Variants in GAS2 observed in about 807,000 individuals in gnomAD.
GAS2 encodes growth arrest-specific protein 2.
A neutral mutation model predicts 37.5 loss-of-function variants in GAS2; 20 were observed. That is an observed-to-expected ratio of 0.53 (90% CI 0.37 to 0.77). The LOEUF (loss-of-function observed/expected upper bound fraction) is 0.77. Ranked by LOEUF, GAS2 falls within the 30% of genes least tolerant of loss-of-function variation. GAS2 has a pLI of 0.00. For missense variants in GAS2, 336 were observed against 373.4 expected (o/e 0.90, Z 0.82); for synonymous variants, 144 against 132.2 (o/e 1.09, Z -0.61).
chr11:22,793,437 G>C (rs1856273855), intron 7 of GAS2, among the ~76,000 whole-genome samples: 1 of 152,132 alleles, frequency 6.6e-6, no homozygotes, highest in African/African-American at 2.4e-5. Flanking sequence ...TTTGAAAGAA[G>C]TCAACTAGTA....
At chr11:22,664,423 AGAAT>A (rs1280407726), upstream of GAS2, among the ~76,000 whole-genome samples, 2 of 152,196 alleles carry the variant, frequency 1.3e-5, no homozygotes, top group South Asian at 4.1e-4. Context: ...TTGAAAGTTT[AGAAT>A]GTGGGACACA....
chr11:22,804,563 G>A (rs1420273336), intron 7 of GAS2, among the ~76,000 whole-genome samples: 2 of 152,132 alleles, frequency 1.3e-5, no homozygotes, highest in African/African-American at 4.8e-5. Context: ...AAGACACCAA[G>A]TGTGAATGTA....
At chr11:22,673,113 T>C (rs77524744) in intron 1 of GAS2, among the ~76,000 whole-genome samples, 2,604 of 152,216 alleles carry the variant, frequency 0.017, 74 homozygotes, top group African/African-American at 0.059. Flanking sequence ...AATTGTGCTT[T>C]TAAATACTAT....
chr11:22,652,185 A>C (rs1209523899), intron 1 of GAS2, among the ~76,000 whole-genome samples: 1 of 152,100 alleles, frequency 6.6e-6, no homozygotes, highest in Non-Finnish European at 1.5e-5. Flanking sequence ...CGGCCGTGTG[A>C]GGTGTCAGTG....
Position 22,686,604 on chromosome 11 carries a change from G to T in GAS2, c.267+815G>T, listed in dbSNP as rs113244771. On this transcript the variant is annotated intron_variant, in intron 3 of 7. Transcript: ENST00000454584. ...AAAAAAAAAAAAAAAAAAAAAAATAGCCTGGCATCATGACACATGTCTATA... is the reference window on the plus strand; with the variant it reads ...AAAAAAAAAAAAAAAAAAAAAAATATCCTGGCATCATGACACATGTCTATA... Among the ~76,000 whole-genome samples, 25 of 119,290 alleles carry T rather than the reference G, an allele frequency of 2.1e-4. 3 individuals carry two copies. The highest frequency in any genetic ancestry group is 8.1e-4 in the African/African-American group (25 of 30,990). 78.3% of individuals were successfully genotyped at this position (119,290 alleles called of 152,430 possible). A position where few individuals can be genotyped will look rare whatever the true frequency, so the allele number is the denominator to read the frequency against.
At chr11:22,687,890 G>A (rs572103702) in intron 3 of GAS2, among the ~76,000 whole-genome samples, 12 of 152,212 alleles carry the variant, frequency 7.9e-5, no homozygotes, top group African/African-American at 2.7e-4. Context: ...ATTGCTTATT[G>A]TTGAGGATGG....
intron 7 of GAS2, among the ~76,000 whole-genome samples, chr11:22,765,674 G>A (rs1854648866): frequency 6.6e-6 from 1 of 152,012 alleles, no homozygotes; most frequent in Non-Finnish European, 1.5e-5. Flanking sequence ...AGCTACTTGG[G>A]AGGCTGAGAC....
chr11:22,663,768 A>G (rs1028416018), upstream of GAS2, among the ~76,000 whole-genome samples: 1 of 152,186 alleles, frequency 6.6e-6, no homozygotes, highest in Non-Finnish European at 1.5e-5. Context: ...TTAAAATTTC[A>G]GAAACAGTCT....
chr11:22,745,967 G>A, intron 5 of GAS2, among the ~76,000 whole-genome samples: 1 of 152,058 alleles, frequency 6.6e-6, no homozygotes, highest in East Asian at 1.9e-4. Flanking sequence ...CCCAGTTTGA[G>A]ACGAGCTCCA....
intron 7 of GAS2, among the ~76,000 whole-genome samples, chr11:22,780,454 C>A (rs1855500099): frequency 6.6e-6 from 1 of 151,552 alleles, no homozygotes. Context: ...GAAATCGTGC[C>A]ACTGCACTCC....
chr11:22,648,060 T>A (rs2133826661), intron 1 of GAS2, among the ~76,000 whole-genome samples: 1 of 152,378 alleles, frequency 6.6e-6, no homozygotes, highest in South Asian at 2.1e-4. Flanking sequence ...GTTTTAGGTC[T>A]AACGTTTAAG....
intron 2 of GAS2, among the ~76,000 whole-genome samples, 197 bp from the exon 3 acceptor site, chr11:22,685,471 A>G (rs758312317): frequency 6.6e-5 from 10 of 152,180 alleles, no homozygotes; most frequent in Non-Finnish European, 1.5e-4. Context: ...TGTTATGAAA[A>G]TATTAAATGT....
At chr11:22,789,423 G>T (rs1856005413) in intron 7 of GAS2, among the ~76,000 whole-genome samples, 90 of 71,094 alleles carry the variant, frequency 1.3e-3, no homozygotes, top group African/African-American at 4.7e-3. Flanking sequence ...TATCTCATAT[G>T]AGATATATAT....
intron 1 of GAS2, among the ~76,000 whole-genome samples, chr11:22,630,213 A>G (rs1858725207): frequency 6.6e-6 from 1 of 151,914 alleles, no homozygotes; most frequent in Non-Finnish European, 1.5e-5. Flanking sequence ...CCACCCCACA[A>G]CAGGCCCTGG....
intron 3 of GAS2, among the ~76,000 whole-genome samples, chr11:22,707,479 C>CT (rs1201750511): frequency 6.6e-6 from 1 of 152,140 alleles, no homozygotes; most frequent in Non-Finnish European, 1.5e-5. Context: ...TGTTTATAGA[C>CT]TTGACTCTCA....
At chr11:22,744,776 C>T (rs557268432) in intron 5 of GAS2, among the ~76,000 whole-genome samples, 2 of 152,072 alleles carry the variant, frequency 1.3e-5, no homozygotes, top group Non-Finnish European at 2.9e-5. Flanking sequence ...TCTCTTCACT[C>T]CTATTCAACG....
At chr11:22,633,771 C>T (rs1858779717) in intron 1 of GAS2, among the ~76,000 whole-genome samples, 1 of 152,180 alleles carries the variant, frequency 6.6e-6, no homozygotes, top group Non-Finnish European at 1.5e-5. Context: ...ACTCCTGACC[C>T]AGTGTTCTAG....
rs545993854 is a variant in GAS2 at position 22,703,540 on chromosome 11, T to G, written c.267+17751T>G. 7.2e-5 allele frequency among the ~76,000 whole-genome samples: 11 copies of G among 152,296 alleles called. No individual in the cohort carries two copies. In the East Asian group the frequency reaches 1.9e-3, roughly 27 times the overall value. On this transcript the variant is annotated intron_variant, in intron 3 of 7. Transcript: ENST00000454584. ...ATTCATAGATTTTATATTAAGAACC[T>G]TTTCTAAAAGGCTGAAATTTGGGGG...
At chr11:22,638,727 T>C (rs190973912) in intron 1 of GAS2, among the ~76,000 whole-genome samples, 4 of 152,318 alleles carry the variant, frequency 2.6e-5, no homozygotes, top group East Asian at 3.9e-4. Flanking sequence ...TCTGATGTTT[T>C]ATTTTTACTC....
Sources: gnomAD v4.1 joint callset for allele counts (sites outside exome capture counted in the v4.1 genomes callset) on GRCh38, gnomAD v4.1.1 for gene constraint, MANE v1.5 for transcripts, NCBI Gene and HGNC (gene_info 2026-07-23, HGNC 2026-07-21) for gene names.